MAPK8IP3: variants seen among roughly 807,000 people sequenced by gnomAD.
MAPK8IP3 encodes mitogen-activated protein kinase 8 interacting protein 3, also known as C-Jun-amino-terminal kinase-interacting protein 3.
A neutral mutation model predicts 157.8 loss-of-function variants in MAPK8IP3; 49 were observed. That is an observed-to-expected ratio of 0.31 (90% CI 0.25 to 0.39). The LOEUF (loss-of-function observed/expected upper bound fraction) is 0.39. Ranked by LOEUF, MAPK8IP3 falls within the 10% of genes least tolerant of loss-of-function variation. MAPK8IP3 has a pLI of 1.00. For synonymous variants in MAPK8IP3, 897 were observed against 777.7 expected (o/e 1.15, Z -2.55); for missense variants, 1,478 against 1,889.4 (o/e 0.78, Z 4.04).
At position 1,767,212 on chromosome 16, in the gene MAPK8IP3, G is replaced by A. The variant is rs755535673; in HGVS notation, c.3152G>A (p.Arg1051His). Residue 1051 changes from arginine (R) to histidine (H), a missense_variant, in exon 26 of 32, where the codon CGC becomes CAC. Coordinates refer to ENST00000610761, the MANE Select transcript of MAPK8IP3 (RefSeq NM_001318852.2). ...CTGGGCCACCCGCACCACTCCATCC[G>A]CTGCATGGCTGTTGTGTACGACCGC... is the stretch of plus-strand genomic sequence containing the variant. The part of the protein sequence containing the change: ...MDLGHPHHSI[R>H]CMAVVYDRVW... 2.5e-6 allele frequency: 4 copies of A among 1,613,334 alleles called. No homozygotes were observed. Among genetic ancestry groups the A allele is most frequent in the Non-Finnish European group, 2.5e-6 (3 of 1,180,020 alleles).
rs1407267160 is a variant in MAPK8IP3, at chr16:1,741,099, G to C, written c.603-2233G>C. Among the ~76,000 whole-genome samples, 1 of 152,130 alleles carries C rather than the reference G, an allele frequency of 6.6e-6. No individual in the cohort carries two copies. The highest frequency in any genetic ancestry group is 1.9e-4 in the East Asian group (1 of 5,190). Reference sequence around the variant, plus strand: ...GAAGGGCCCCTCTCTGCATCAGTCGGACCTGGACTCATAGCCCAGCTCCCT... The same window carrying C: ...GAAGGGCCCCTCTCTGCATCAGTCGCACCTGGACTCATAGCCCAGCTCCCT... On this transcript the variant is annotated intron_variant, in intron 4 of 31. Transcript: ENST00000610761. The surrounding 1 kb of genome is among the most constrained non-coding windows in gnomAD (Gnocchi z 6.9).
At chr16:1,717,175 G>A (rs1404930133) in intron 1 of MAPK8IP3, among the ~76,000 whole-genome samples, 1 of 150,490 alleles carries the variant, frequency 6.6e-6, no homozygotes, top group Non-Finnish European at 1.5e-5. Flanking sequence ...GGCGGAGGTT[G>A]CAGTGAGCCA....
chr16:1,743,920 C>T lies in MAPK8IP3; in HGVS notation c.747+444C>T, dbSNP rs2040824536. 9.9e-7 allele frequency: 1 copy of T among 1,013,490 alleles called. No homozygotes were observed. The highest frequency in any genetic ancestry group is 1.2e-6 in the Non-Finnish European group (1 of 848,168). The allele number at this position is 1,013,490 out of a possible 1,614,324, so 62.8% of individuals were successfully genotyped here. ...CAGTGTCTAGAGTGTGGGGTTTGCC[C>T]TCCGTTGGCAGAAAGGTGAGGAGAA... On this transcript the variant is annotated intron_variant, in intron 5 of 31. Transcript: ENST00000610761. This position sits in a 1 kb window ranked among gnomAD's most constrained non-coding sequence, Gnocchi z 5.6.
At chr16:1,737,970 G>C (rs1394226887) in intron 4 of MAPK8IP3, among the ~76,000 whole-genome samples, 1 of 81,730 alleles carries the variant, frequency 1.2e-5, no homozygotes, top group Non-Finnish European at 2.4e-5. Flanking sequence ...GTCCGTGTGA[G>C]CGTGTGACCG....
At chr16:1,768,415 C>T (rs758265543) in intron 30 of MAPK8IP3, 37 bp downstream of exon 30, 1 of 1,598,224 alleles carries the variant, frequency 6.3e-7, no homozygotes, top group South Asian at 1.1e-5. Context: ...ACATCCCCTG[C>T]ATGCCAGTGG....
In MAPK8IP3 at chr16:1,724,493, A is replaced by G. The variant is rs2038738043; in HGVS notation, c.319-64A>G. 2 of 1,575,612 alleles carry G rather than the reference A, an allele frequency of 1.3e-6. No homozygotes were observed. The highest frequency in any genetic ancestry group is 8.6e-7 in the Non-Finnish European group (1 of 1,157,482). On this transcript the variant is annotated intron_variant, in intron 1 of 31. Transcript: ENST00000610761. This position sits in a 1 kb window ranked among gnomAD's most constrained non-coding sequence, Gnocchi z 4.1. ...GGCCCTCAAAGCCTGCGGCCCTTCA[A>G]GTGAAAGGCGGCTGCTCCACACTCA...
intron 1 of MAPK8IP3, among the ~76,000 whole-genome samples, chr16:1,721,886 C>T (rs1021078048): frequency 1.3e-5 from 2 of 152,194 alleles, no homozygotes; most frequent in African/African-American, 2.4e-5. Context: ...TCTCCTGCCT[C>T]GCCCTCCCGA....
chr16:1,755,430 G>A (rs2041535539), intron 8 of MAPK8IP3, among the ~76,000 whole-genome samples: 3 of 152,220 alleles, frequency 2.0e-5, no homozygotes. Context: ...GTCTGAAGTG[G>A]GAGGATCACT....
At position 1,748,236 on chromosome 16, in the gene MAPK8IP3, T is replaced by G; in HGVS notation, c.995-8T>G. ...CCTGACCCCAGGTGCCCCTGTGCTC[T>G]CCCCTAGGCATGGGCAGCAGTGACG... is the stretch of plus-strand genomic sequence containing the variant. On this transcript the variant is annotated splice_region_variant and splice_polypyrimidine_tract_variant and intron_variant, in intron 6 of 31. Coordinates refer to ENST00000610761, the MANE Select transcript of MAPK8IP3 (RefSeq NM_001318852.2). 6.2e-7 allele frequency: 1 copy of G among 1,608,708 alleles called. No individual in the cohort carries two copies.
rs781373276 is a variant in MAPK8IP3, at chr16:1,759,955, C to T, written c.1247-3C>T. ...GGTGAAACCTCCGCACCTTCTGTTT[C>T]AGGAATGGGCAAAGAAGTGGGGAAT... On this transcript the variant is annotated splice_polypyrimidine_tract_variant and splice_region_variant and intron_variant, in intron 10 of 31. Transcript: ENST00000610761. The T allele has an allele frequency of 1.2e-5, 19 of 1,614,026 alleles. No homozygotes were observed. The highest frequency in any genetic ancestry group is 8.3e-5 in the Admixed American group (5 of 60,016).
In MAPK8IP3 at chr16:1,742,997, A is replaced by G. The variant is rs2141845965; in HGVS notation, c.603-335A>G. Among the ~76,000 whole-genome samples, 1 of 152,220 alleles carries G rather than the reference A, an allele frequency of 6.6e-6. No homozygotes were observed. The highest frequency in any genetic ancestry group is 3.4e-3 in the Middle Eastern group (1 of 294). On this transcript the variant is annotated intron_variant, in intron 4 of 31. Transcript: ENST00000610761. This position sits in a 1 kb window ranked among gnomAD's most constrained non-coding sequence, Gnocchi z 5.0. ...AAAATTAGCCAGGCGTGGGAGGCTG[A>G]GGCAGGAGAATGGCGTGAACCTGGG...
At position 1,724,619 on chromosome 16, in the gene MAPK8IP3, G is replaced by T; in HGVS notation, c.381G>T (p.Glu127Asp). Residue 127 changes from glutamate to aspartate, a missense_variant, in exon 2 of 32, where the codon GAG becomes GAT. This residue lies in a region of MAPK8IP3 where 65 missense variants were observed against 161.8 expected (regional missense o/e 0.40). Coordinates refer to ENST00000610761, the MANE Select transcript of MAPK8IP3 (RefSeq NM_001318852.2). This position sits in a 1 kb window ranked among gnomAD's most constrained non-coding sequence, Gnocchi z 4.1. ...AGAAAGAGCTGCAAATCCAGGTGGA[G>T]CACTACGAGTTCCAGACGCGCCAGC... Reference protein sequence around the residue: ...QEKKELQIQVEHYEFQTRQLE... With the variant: ...QEKKELQIQVDHYEFQTRQLE... 6.2e-7 allele frequency: 1 copy of T among 1,613,692 alleles called. No homozygotes were observed. Among genetic ancestry groups the T allele is most frequent in the Non-Finnish European group, 8.5e-7 (1 of 1,179,998 alleles).
intron 4 of MAPK8IP3, among the ~76,000 whole-genome samples, chr16:1,733,504 G>A (rs1032544655): frequency 1.1e-4 from 17 of 152,230 alleles, no homozygotes; most frequent in African/African-American, 3.4e-4. Flanking sequence ...GCGTGGCTGC[G>A]GGGCAAGGAG....
In MAPK8IP3 at chr16:1,766,101, G is replaced by A; in HGVS notation, c.2588G>A (p.Cys863Tyr). The A allele has an allele frequency of 6.2e-7, 1 of 1,612,668 alleles. No individual in the cohort carries two copies. The highest frequency in any genetic ancestry group is 8.5e-7 in the Non-Finnish European group (1 of 1,179,888). ...ATRCNVPRSNCSSRGDTPVLD... is the reference protein window; with the variant it reads ...ATRCNVPRSNYSSRGDTPVLD... ...CGCTGCAACGTGCCGCGGAGCAACTGCTCCTCCCGAGGGGACACCCCAGTG... is the reference window on the plus strand; with the variant it reads ...CGCTGCAACGTGCCGCGGAGCAACTACTCCTCCCGAGGGGACACCCCAGTG... The change falls in exon 21 of 32, where the codon TGC becomes TAC. Residue 863 changes from cysteine to tyrosine, a missense_variant. Cys to Tyr is a radical substitution (Grantham distance 194, BLOSUM62 -2). Transcript: ENST00000610761.
intron 1 of MAPK8IP3, among the ~76,000 whole-genome samples, chr16:1,711,834 G>A (rs371142302): frequency 6.6e-5 from 10 of 151,566 alleles, no homozygotes; most frequent in African/African-American, 2.4e-4. Flanking sequence ...CAGCTACTTG[G>A]AAGGCTGAAG....
chr16:1,758,826 C>A, intron 9 of MAPK8IP3, 152 bp from the exon 10 acceptor site: 1 of 722,742 alleles, frequency 1.4e-6, no homozygotes, highest in Non-Finnish European at 2.4e-6. Flanking sequence ...CCTCCTAACT[C>A]CCTCCTGCAC....
intron 4 of MAPK8IP3, among the ~76,000 whole-genome samples, chr16:1,737,928 ATGTGAGCATCCGTGTGACTGTCCG>A (rs1369646311): frequency 2.3e-5 from 1 of 43,842 alleles, no homozygotes; most frequent in African/African-American, 1.1e-4. Context: ...GTGACCATCC[ATGTGAGCATCCGTGTGACTGTCCG>A]TGTGAGCGTC....
chr16:1,738,608 C>A (rs1181754221), intron 4 of MAPK8IP3, among the ~76,000 whole-genome samples: 1 of 122,226 alleles, frequency 8.2e-6, no homozygotes, highest in African/African-American at 3.2e-5. Flanking sequence ...ATCTGTGTGA[C>A]CGTCCGTGTG....
chr16:1,734,578 G>C (rs941499933), intron 4 of MAPK8IP3, among the ~76,000 whole-genome samples: 6 of 152,234 alleles, frequency 3.9e-5, no homozygotes, highest in Non-Finnish European at 5.9e-5. Flanking sequence ...CCCCTCCCCT[G>C]TCCCGAGTGC....
Sources: allele counts gnomAD v4.1 joint callset (sites outside exome capture counted in the v4.1 genomes callset), GRCh38; gene constraint gnomAD v4.1.1; regional missense constraint gnomAD v4.1.1; non-coding constraint Gnocchi (gnomAD v3.1); transcripts MANE v1.5; gene names NCBI Gene and HGNC (gene_info 2026-07-23, HGNC 2026-07-21).